The following CXCL13 variants were observed in gnomAD, a reference collection of about 807,000 sequenced individuals.
CXCL13 encodes C-X-C motif chemokine ligand 13, also known as C-X-C motif chemokine 13.
A neutral mutation model predicts 12.2 loss-of-function variants in CXCL13; 7 were observed. The ratio of observed to expected loss-of-function variants is 0.57; its 90% confidence interval spans 0.33 to 1.07. The LOEUF (loss-of-function observed/expected upper bound fraction) is 1.07, where lower values mean the gene tolerates loss of function less well. CXCL13 is among the 50% of genes least tolerant of loss of function. The pLI is 0.04. For synonymous variants in CXCL13, 47 were observed against 42.4 expected (o/e 1.11, Z -0.42); for missense variants, 113 against 127.4 (o/e 0.89, Z 0.55).
At chr4:77,519,371 G>T (rs1724517303) in intron 1 of CXCL13, among the ~76,000 whole-genome samples, 1 of 152,176 alleles carries the variant, frequency 6.6e-6, no homozygotes. Flanking sequence ...CTCACGCTGG[G>T]AGCTGTAGAC....
chr4:77,557,193 C>G (rs901472424), intron 1 of CXCL13, among the ~76,000 whole-genome samples: 1 of 152,162 alleles, frequency 6.6e-6, no homozygotes, highest in Non-Finnish European at 1.5e-5. Flanking sequence ...ACTTGGTTCT[C>G]TTATACTTCC....
At chr4:77,541,311 G>C (rs1270733065) in intron 1 of CXCL13, among the ~76,000 whole-genome samples, 1 of 152,144 alleles carries the variant, frequency 6.6e-6, no homozygotes, top group Non-Finnish European at 1.5e-5. Context: ...GGAGGACTTA[G>C]TCATAAGTTA....
intron 1 of CXCL13, among the ~76,000 whole-genome samples, chr4:77,576,182 A>C (rs1382395844): frequency 6.7e-6 from 1 of 149,578 alleles, no homozygotes; most frequent in East Asian, 1.9e-4. Context: ...AAGAGCTGAA[A>C]TGTTTACAAA....
At chr4:77,524,653 A>C (rs570061056) in intron 1 of CXCL13, among the ~76,000 whole-genome samples, 1 of 151,746 alleles carries the variant, frequency 6.6e-6, no homozygotes, top group South Asian at 2.1e-4. Context: ...GGAAAGGGAA[A>C]TCCCCTGTCC....
chr4:77,576,502 A>G (rs1158728382), intron 1 of CXCL13, among the ~76,000 whole-genome samples: 2 of 152,200 alleles, frequency 1.3e-5, no homozygotes, highest in Non-Finnish European at 2.9e-5. Flanking sequence ...AAGCTGATAA[A>G]AGCCCCTTGG....
intron 1 of CXCL13, among the ~76,000 whole-genome samples, chr4:77,564,277 CAG>C (rs1291849587): frequency 2.0e-5 from 3 of 152,110 alleles, no homozygotes; most frequent in South Asian, 2.1e-4. Flanking sequence ...AGATTTGCTG[CAG>C]AGAGAGTGGG....
In CXCL13 at chr4:77,554,356, T is replaced by A. The variant is rs528262872; in HGVS notation, c.-43+42568T>A. On this transcript the variant is annotated intron_variant, in intron 1 of 4. Transcript: ENST00000286758. ...GATGTTTCAGGACAAGAAATAATAC[T>A]AGAGATAAAGAGAAATGTCTTATGA... is the stretch of plus-strand genomic sequence containing the variant. Among the ~76,000 whole-genome samples the A allele has an allele frequency of 2.6e-5, 4 of 152,278 alleles. No homozygotes were observed. In the East Asian group the frequency reaches 7.7e-4, roughly 29 times the overall value.
At chr4:77,581,500 G>A (rs1726333003) in intron 1 of CXCL13, among the ~76,000 whole-genome samples, 1 of 152,020 alleles carries the variant, frequency 6.6e-6, no homozygotes, top group Non-Finnish European at 1.5e-5. Flanking sequence ...CTGGCTCAAG[G>A]GATCTTGGGA....
chr4:77,529,439 T>C (rs1233882827), intron 1 of CXCL13, among the ~76,000 whole-genome samples: 8 of 152,196 alleles, frequency 5.3e-5, no homozygotes, highest in Non-Finnish European at 1.0e-4. Flanking sequence ...TTTGTTTGTA[T>C]CCTCTTTTAT....
At chr4:77,525,162 A>G (rs1256901907) in intron 1 of CXCL13, among the ~76,000 whole-genome samples, 1 of 152,214 alleles carries the variant, frequency 6.6e-6, no homozygotes, top group Non-Finnish European at 1.5e-5. Context: ...GATGCTGGCC[A>G]CATGTTCTTG....
At chr4:77,530,741 A>AT (rs1284611507) in intron 1 of CXCL13, among the ~76,000 whole-genome samples, 12 of 151,918 alleles carry the variant, frequency 7.9e-5, no homozygotes, top group African/African-American at 1.2e-4. Flanking sequence ...GGATTCATTG[A>AT]TTTTTTGAAG....
At chr4:77,520,137 G>T (rs548914480) in intron 1 of CXCL13, among the ~76,000 whole-genome samples, 1 of 152,170 alleles carries the variant, frequency 6.6e-6, no homozygotes, top group South Asian at 2.1e-4. Flanking sequence ...ATAGTTTGAG[G>T]TCAGGTAGCG....
intron 1 of CXCL13, among the ~76,000 whole-genome samples, chr4:77,519,502 T>C (rs1724521882): frequency 6.6e-6 from 1 of 152,232 alleles, no homozygotes; most frequent in South Asian, 2.1e-4. Context: ...GTCTGTTGGC[T>C]GCATAAATGT....
At chr4:77,513,192 G>A (rs1724315080) in intron 1 of CXCL13, among the ~76,000 whole-genome samples, 1 of 152,070 alleles carries the variant, frequency 6.6e-6, no homozygotes, top group African/African-American at 2.4e-5. Context: ...GTCTATCACT[G>A]ATGGACATTT....
At position 77,514,979 on chromosome 4, in the gene CXCL13, T is replaced by C. The variant is rs1724378246; in HGVS notation, c.-43+3191T>C. ...TCTTTAATCCATCTTGAATTGATTT[T>C]TGTATAAGGTGTAAGGAAGGGATCC... On this transcript the variant is annotated intron_variant, in intron 1 of 4. Transcript: ENST00000286758. 9.9e-5 allele frequency among the ~76,000 whole-genome samples: 15 copies of C among 152,260 alleles called. No homozygotes were observed. The South Asian group carries it at 3.1e-3, about 32-fold the overall frequency.
chr4:77,535,463 G>C (rs116733235), intron 1 of CXCL13, among the ~76,000 whole-genome samples: 100 of 152,214 alleles, frequency 6.6e-4, no homozygotes, highest in Non-Finnish European at 1.3e-3. Flanking sequence ...CCCACATGCT[G>C]TTCTTACAAT....
intron 1 of CXCL13, among the ~76,000 whole-genome samples, chr4:77,567,947 ATTCCTTTACT>A (rs1202979140): frequency 2.6e-5 from 4 of 152,278 alleles, no homozygotes; most frequent in African/African-American, 7.2e-5. Flanking sequence ...CCATTCTTTT[ATTCCTTTACT>A]TTCCTTTACT....
At chr4:77,546,537 A>G (rs1353007686) in intron 1 of CXCL13, among the ~76,000 whole-genome samples, 6 of 152,126 alleles carry the variant, frequency 3.9e-5, no homozygotes. Context: ...ATTTGTGTAG[A>G]GTTGTGTATA....
At chr4:77,571,248 G>A (rs1456014568) in intron 1 of CXCL13, among the ~76,000 whole-genome samples, 1 of 151,742 alleles carries the variant, frequency 6.6e-6, no homozygotes, top group African/African-American at 2.4e-5. Context: ...GTATCTAGCT[G>A]CTCTGGTGGG....
Sources: allele counts gnomAD v4.1 joint callset (sites outside exome capture counted in the v4.1 genomes callset), GRCh38; gene constraint gnomAD v4.1.1; transcripts MANE v1.5; gene names NCBI Gene and HGNC (gene_info 2026-07-23, HGNC 2026-07-21).